Variants in ADGRB1 observed in about 807,000 individuals in gnomAD.
The protein encoded by ADGRB1 is brain-specific angiogenesis inhibitor 1.
In ADGRB1, 36 loss-of-function variants were observed where a neutral mutation model predicts 175.7. The ratio of observed to expected loss-of-function variants is 0.20; its 90% CI spans 0.16 to 0.27. The LOEUF (loss-of-function observed/expected upper bound fraction) is 0.27. ADGRB1 is among the 10% of genes least tolerant of loss of function. The pLI, the probability that ADGRB1 is intolerant of heterozygous loss-of-function variation, is 1.00. For missense variants in ADGRB1, 1,731 were observed against 2,255.3 expected (o/e 0.77, Z 4.71); for synonymous variants, 1,054 against 979.4 (o/e 1.08, Z -1.42).
Position 142,453,133 on chromosome 8 carries a change from C to G in ADGRB1, c.-220+3029C>G, listed in dbSNP as rs1188157509. Among the ~76,000 whole-genome samples the G allele has an allele frequency of 4.0e-5, 6 of 151,696 alleles. 1 individual carries two copies. The East Asian group carries it at 1.2e-3, about 29-fold the overall frequency. On this transcript the variant is annotated intron_variant, in intron 1 of 30. Transcript: ENST00000517894. ...CGGAGCCCCCCTCGCCGGCCCGGCC[C>G]GGTCCCCGTGTGCGGTGCGCTGGCG...
chr8:142,502,437 A>ATG (rs1563719165), intron 17 of ADGRB1, among the ~76,000 whole-genome samples: 1 of 560 alleles, frequency 1.8e-3, no homozygotes, highest in Non-Finnish European at 3.3e-3. Flanking sequence ...TGGTGGTGGT[A>ATG]GTGGTGGTGA....
chr8:142,502,768 T>A (rs919538304), intron 17 of ADGRB1, among the ~76,000 whole-genome samples: 2 of 151,658 alleles, frequency 1.3e-5, no homozygotes, highest in African/African-American at 4.9e-5. Flanking sequence ...GTGGTATTTA[T>A]GATGTTGATG....
rs1458006894 is a variant in ADGRB1, at chr8:142,529,619, T to G, written c.3398+2992T>G. ...ATGTATGTGTGTGAGTGCAACCCAG[T>G]GTGCATACGTGTGAGCATGCATCTG... On this transcript the variant is annotated intron_variant, in intron 24 of 30. Coordinates refer to ENST00000517894, the MANE Select transcript of ADGRB1 (RefSeq NM_001702.3). Among the ~76,000 whole-genome samples, 5 of 151,804 alleles carry G rather than the reference T, an allele frequency of 3.3e-5. 1 individual carries two copies. Among genetic ancestry groups the G allele is most frequent in the African/African-American group, 2.4e-5 (1 of 41,284 alleles).
rs754402305 is a variant in ADGRB1 at position 142,493,275 on chromosome 8, C to T, written c.2675+2460C>T. 3.3e-5 allele frequency among the ~76,000 whole-genome samples: 5 copies of T among 152,094 alleles called. No individual in the cohort carries two copies. The highest frequency in any genetic ancestry group is 9.7e-5 in the African/African-American group (4 of 41,418). On this transcript the variant is annotated intron_variant, in intron 17 of 30. Coordinates refer to ENST00000517894, the MANE Select transcript of ADGRB1 (RefSeq NM_001702.3). This position sits in a 1 kb window ranked among gnomAD's most constrained non-coding sequence, Gnocchi z 5.0. ...AACTGTGGCCGAAGAGGACATGCTG[C>T]GTGGCCTTGGGCAGAGCCTGTGCCC...
intron 11 of ADGRB1, 125 bp from the exon 12 acceptor site, chr8:142,483,852 G>A (rs1244759791): frequency 2.0e-6 from 2 of 995,138 alleles, no homozygotes. Flanking sequence ...CACACACTGA[G>A]CCCTGATCCT....
chr8:142,507,143 GA>G (rs1248921664), intron 17 of ADGRB1, among the ~76,000 whole-genome samples: 1 of 152,214 alleles, frequency 6.6e-6, no homozygotes, highest in Non-Finnish European at 1.5e-5. Flanking sequence ...GGTTCCTGCA[GA>G]AATCAAATGA....
At position 142,464,305 on chromosome 8, in the gene ADGRB1, C is replaced by G. The variant is rs1474376888; in HGVS notation, c.107C>G (p.Ala36Gly). The change falls in exon 2 of 31, where the codon GCG becomes GGG. Residue 36 changes from alanine (A) to glycine (G), a missense_variant. Ala to Gly is a moderately conservative substitution (Grantham distance 60, BLOSUM62 0). This residue lies in a region of ADGRB1 where 383 missense variants were observed against 383.1 expected (regional missense o/e 1.00). Coordinates refer to ENST00000517894, the MANE Select transcript of ADGRB1 (RefSeq NM_001702.3). ...RRARAAAGAD[A>G]GPGPEPCATL... ...GCGCGGGCGGCCGCCGGAGCAGACGCGGGGCCCGGGCCCGAGCCGTGCGCC... is the reference window on the plus strand; with the variant it reads ...GCGCGGGCGGCCGCCGGAGCAGACGGGGGGCCCGGGCCCGAGCCGTGCGCC... 1.1e-5 allele frequency: 16 copies of G among 1,403,982 alleles called. No homozygotes were observed. The highest frequency in any genetic ancestry group is 1.5e-5 in the Non-Finnish European group (16 of 1,087,582). The allele number at this position is 1,403,982 out of a possible 1,614,324, so 87.0% of individuals were successfully genotyped here.
At chr8:142,529,698 ACCTGTGAGCGTGCATCTATG>A (rs1238891221) in intron 24 of ADGRB1, among the ~76,000 whole-genome samples, 4 of 111,162 alleles carry the variant, frequency 3.6e-5, no homozygotes, top group African/African-American at 8.8e-5. Context: ...GCATCGGTGT[ACCTGTGAGCGTGCATCTATG>A]TGTGTGAGTG....
Position 142,464,118 on chromosome 8 carries a change from G to C in ADGRB1, c.-81G>C, listed in dbSNP as rs1264112285. 1.6e-4 allele frequency: 87 copies of C among 545,560 alleles called. No homozygotes were observed. Among genetic ancestry groups the C allele is most frequent in the Admixed American group, 2.7e-4 (4 of 15,072 alleles). The allele number at this position is 545,560 out of a possible 1,614,324, so 33.8% of individuals were successfully genotyped here. ...TGCCCCCACCGGGCCGGCCCTGCCC[G>C]CCGCCGGACCCTGGCATGTCAAGAC... On this transcript the variant is annotated 5_prime_UTR_variant, in exon 2 of 31. Transcript: ENST00000517894.
At position 142,481,451 on chromosome 8, in the gene ADGRB1, A is replaced by G. The variant is rs1296732918; in HGVS notation, c.1936-66A>G. ...CTGCAGAGGGTCCTAGGCATGGGAGATCCTGGGTGGCTGCCTGGACATGTT... is the reference window on the plus strand; with the variant it reads ...CTGCAGAGGGTCCTAGGCATGGGAGGTCCTGGGTGGCTGCCTGGACATGTT... On this transcript the variant is annotated intron_variant, in intron 10 of 30. Transcript: ENST00000517894. 2.9e-5 allele frequency: 46 copies of G among 1,586,082 alleles called. No individual in the cohort carries two copies. The East Asian group carries it at 7.2e-4, about 25-fold the overall frequency.
intron 2 of ADGRB1, among the ~76,000 whole-genome samples, chr8:142,473,971 C>T (rs2131762283): frequency 6.6e-6 from 1 of 152,322 alleles, no homozygotes; most frequent in Admixed American, 6.5e-5. Flanking sequence ...CAACTCTGAC[C>T]CAAGTGACAA....
chr8:142,454,249 G>A (rs1314161869), intron 1 of ADGRB1, among the ~76,000 whole-genome samples: 2 of 152,182 alleles, frequency 1.3e-5, no homozygotes, highest in Non-Finnish European at 2.9e-5. Flanking sequence ...GTGGGCGGGC[G>A]GCAGCCAGCC....
At chr8:142,478,578 G>GGATT (rs1841132692) in intron 7 of ADGRB1, among the ~76,000 whole-genome samples, 1 of 151,328 alleles carries the variant, frequency 6.6e-6, no homozygotes, top group African/African-American at 2.4e-5. Context: ...GGGTGGCCAT[G>GGATT]AGGAGAGTGG....
At chr8:142,527,952 A>G (rs902824711) in intron 24 of ADGRB1, among the ~76,000 whole-genome samples, 1 of 152,126 alleles carries the variant, frequency 6.6e-6, no homozygotes, top group Non-Finnish European at 1.5e-5. Context: ...GGCGGCCTGC[A>G]CTCTGCCCAC....
At chr8:142,495,959 G>GTGGATGGATACGTGGGTGGCTGGATGGA (rs1413116760) in intron 17 of ADGRB1, among the ~76,000 whole-genome samples, 324 of 150,736 alleles carry the variant, frequency 2.1e-3, no homozygotes, top group Non-Finnish European at 4.2e-3. Flanking sequence ...GGGTGGATGG[G>GTGGATGGATACGTGGGTGGCTGGATGGA]TGGATGGATA....
At chr8:142,505,529 T>C (rs1319042008) in intron 17 of ADGRB1, among the ~76,000 whole-genome samples, 3 of 151,970 alleles carry the variant, frequency 2.0e-5, no homozygotes, top group Non-Finnish European at 4.4e-5. Context: ...CCACACTGGG[T>C]TGGGAGCTGT....
At chr8:142,524,657 A>T (rs1220180705) in intron 23 of ADGRB1, among the ~76,000 whole-genome samples, 1 of 152,186 alleles carries the variant, frequency 6.6e-6, no homozygotes, top group Admixed American at 6.5e-5. Context: ...GGGGAGCTGC[A>T]GGCTGGACCT....
In ADGRB1 at chr8:142,450,086, G is replaced by C. The variant is rs1443366052; in HGVS notation, c.-238G>C. 2 of 148,852 alleles carry C rather than the reference G, an allele frequency of 1.3e-5. No homozygotes were observed. The highest frequency in any genetic ancestry group is 3.0e-5 in the Non-Finnish European group (2 of 66,676). 9.2% of individuals were successfully genotyped at this position (148,852 alleles called of 1,614,324 possible). On this transcript the variant is annotated 5_prime_UTR_variant, in exon 1 of 31. Transcript: ENST00000517894. ...GCCGGATCGAGTCCTCGCCGGCGGG[G>C]CCGCTGCTGCTGGGGAAGGTAAGGA...
chr8:142,487,684 C>G (rs1841742353), intron 13 of ADGRB1, among the ~76,000 whole-genome samples: 2 of 152,214 alleles, frequency 1.3e-5, no homozygotes, highest in Non-Finnish European at 2.9e-5. Context: ...AAACTCTCTT[C>G]CCGTCCAGTT....
Sources: allele counts gnomAD v4.1 joint callset (sites outside exome capture counted in the v4.1 genomes callset), GRCh38; gene constraint gnomAD v4.1.1; regional missense constraint gnomAD v4.1.1; non-coding constraint Gnocchi (gnomAD v3.1); transcripts MANE v1.5; gene names NCBI Gene and HGNC (gene_info 2026-07-23, HGNC 2026-07-21).